LAMA3: variants seen among roughly 807,000 people sequenced by gnomAD.
LAMA3 encodes laminin subunit alpha 3, also known as laminin subunit alpha-3.
A neutral mutation model predicts 402.0 loss-of-function variants in LAMA3; 281 were observed. The ratio of observed to expected loss-of-function variants is 0.70; its 90% CI spans 0.63 to 0.77. The LOEUF (loss-of-function observed/expected upper bound fraction) is 0.77. Among genes scored for constraint, LAMA3 ranks in the 30% least tolerant of loss-of-function variants. LAMA3 has a pLI of 0.00. For synonymous variants in LAMA3, 1,431 were observed against 1,558.4 expected (o/e 0.92, Z 1.93); for missense variants, 3,840 against 4,215.5 (o/e 0.91, Z 2.47).
At chr18:23,692,471 C>T (rs1347372338) in intron 1 of LAMA3, among the ~76,000 whole-genome samples, 2 of 152,262 alleles carry the variant, frequency 1.3e-5, no homozygotes, top group African/African-American at 4.8e-5. Context: ...GGGGTTTCAC[C>T]ATGTCGGCCA....
chr18:23,711,054 G>A (rs1213393176), intron 1 of LAMA3, among the ~76,000 whole-genome samples: 1 of 152,124 alleles, frequency 6.6e-6, no homozygotes, highest in Non-Finnish European at 1.5e-5. Flanking sequence ...GGCATTACTG[G>A]TTTGACAAGT....
At chr18:23,690,171 C>T (rs1279151280) in intron 1 of LAMA3, among the ~76,000 whole-genome samples, 194 bp downstream of exon 1, 1 of 152,224 alleles carries the variant, frequency 6.6e-6, no homozygotes, top group Non-Finnish European at 1.5e-5. Flanking sequence ...CCGGCACCAC[C>T]GGCCCGAGGC....
At chr18:23,701,609 C>A in intron 1 of LAMA3, among the ~76,000 whole-genome samples, 1 of 152,150 alleles carries the variant, frequency 6.6e-6, no homozygotes, top group Non-Finnish European at 1.5e-5. Context: ...AGATACCAAT[C>A]TAGGTTTATA....
chr18:23,837,125 A>G, intron 25 of LAMA3, 36 bp downstream of exon 25: 3 of 1,389,048 alleles, frequency 2.2e-6, no homozygotes, highest in South Asian at 1.2e-5. Context: ...TTTTAGAAGC[A>G]TTTTGCTGAT....
chr18:23,947,325 G>C (rs2082742950), intron 70 of LAMA3, among the ~76,000 whole-genome samples: 1 of 152,112 alleles, frequency 6.6e-6, no homozygotes, highest in Admixed American at 6.5e-5. Flanking sequence ...TAAGTAAGAT[G>C]AGCCTATCAA....
intron 38 of LAMA3, among the ~76,000 whole-genome samples, chr18:23,873,745 C>G (rs924937458): frequency 6.6e-6 from 1 of 152,134 alleles, no homozygotes; most frequent in Non-Finnish European, 1.5e-5. Flanking sequence ...AGAAATAGAT[C>G]CTATGGCTAC....
chr18:23,882,155 T>A, intron 40 of LAMA3, 110 bp downstream of exon 40: 1 of 732,554 alleles, frequency 1.4e-6, no homozygotes, highest in Non-Finnish European at 2.5e-6. Context: ...TACCAAAGGG[T>A]CTGGGATTTC....
intron 42 of LAMA3, among the ~76,000 whole-genome samples, chr18:23,890,944 A>G (rs2080639593): frequency 6.6e-6 from 1 of 152,268 alleles, no homozygotes; most frequent in South Asian, 2.1e-4. Flanking sequence ...ATCAGATGAC[A>G]CAAAGTTGGG....
At chr18:23,777,710 C>T in intron 11 of LAMA3, 91 bp downstream of exon 11, 1 of 974,690 alleles carries the variant, frequency 1.0e-6, no homozygotes, top group East Asian at 2.4e-5. Flanking sequence ...CATCCAAGGC[C>T]AAGTCTCCCT....
At position 23,839,102 on chromosome 18, in the gene LAMA3, GGTTAAGCCTA is replaced by G. The variant is rs988346797; in HGVS notation, c.3191+225_3191+234del. Among the ~76,000 whole-genome samples the G allele has an allele frequency of 2.6e-5, 4 of 152,198 alleles. No individual in the cohort carries two copies. Among genetic ancestry groups the G allele is most frequent in the African/African-American group, 9.7e-5 (4 of 41,446 alleles). Reference sequence around the variant, plus strand: ...CTGACCCAGGAACAACCAGGGAAATGGTTAAGCCTACCCCTGGAGGGCAGGAACGCTGAGT... The same window carrying G: ...CTGACCCAGGAACAACCAGGGAAATGCCCCTGGAGGGCAGGAACGCTGAGT... On this transcript the variant is annotated intron_variant, in intron 26 of 74. Transcript: ENST00000313654. This position sits in a 1 kb window ranked among gnomAD's most constrained non-coding sequence, Gnocchi z 4.5.
In LAMA3 at chr18:23,894,279, G is replaced by T; in HGVS notation, c.5411-19G>T. On this transcript the variant is annotated intron_variant, in intron 42 of 74. Coordinates refer to ENST00000313654, the MANE Select transcript of LAMA3 (RefSeq NM_198129.4). ...TAAGTTTAATAACTATGTCTTCTTT[G>T]GTTATTTTCTGATTTTAGACTGCAT... is the stretch of plus-strand genomic sequence containing the variant. The T allele has an allele frequency of 1.3e-6, 2 of 1,593,352 alleles. No individual in the cohort carries two copies. Among genetic ancestry groups the T allele is most frequent in the Non-Finnish European group, 1.7e-6 (2 of 1,161,086 alleles).
intron 23 of LAMA3, among the ~76,000 whole-genome samples, chr18:23,832,431 C>G (rs755868479): frequency 6.6e-6 from 1 of 152,070 alleles, no homozygotes; most frequent in Admixed American, 6.5e-5. Flanking sequence ...TGGTTCAGAG[C>G]CTTTCAGAAG....
chr18:23,842,017 A>G (rs1201370904), intron 27 of LAMA3, among the ~76,000 whole-genome samples: 1 of 152,030 alleles, frequency 6.6e-6, no homozygotes, highest in African/African-American at 2.4e-5. Context: ...AACATTACAC[A>G]TTTCTTCTGG....
At chr18:23,885,823 C>T (rs770030539) in intron 41 of LAMA3, among the ~76,000 whole-genome samples, 2 of 152,170 alleles carry the variant, frequency 1.3e-5, no homozygotes, top group African/African-American at 2.4e-5. Context: ...CCTGTGCACT[C>T]AAACGCTTTC....
At chr18:23,739,022 C>T (rs1228040058) in intron 2 of LAMA3, among the ~76,000 whole-genome samples, 3 of 152,172 alleles carry the variant, frequency 2.0e-5, no homozygotes, top group African/African-American at 7.2e-5. Flanking sequence ...ATACCTGCAC[C>T]ATGGCTTCCT....
At chr18:23,950,281 T>C (rs2145563686) in intron 72 of LAMA3, 122 bp downstream of exon 72, 2 of 1,070,496 alleles carry the variant, frequency 1.9e-6, no homozygotes, top group South Asian at 1.3e-5. Context: ...GAGCCTTGAC[T>C]TCAGTGCTAA....
At position 23,786,709 on chromosome 18, in the gene LAMA3, T is replaced by C. The variant is rs1189726480; in HGVS notation, c.1603+2552T>C. Among the ~76,000 whole-genome samples the C allele has an allele frequency of 2.0e-5, 3 of 152,254 alleles. No homozygotes were observed. The East Asian group carries it at 5.8e-4, about 29-fold the overall frequency. On this transcript the variant is annotated intron_variant, in intron 12 of 74. Transcript: ENST00000313654. ...TTAGCAGACTTTAAAGCAGCTATTA[T>C]AAATCTGTATAGAAGACTAAAGGAA...
intron 3 of LAMA3, among the ~76,000 whole-genome samples, chr18:23,748,420 C>CAA (rs749355061): frequency 1.2e-4 from 11 of 88,274 alleles, no homozygotes; most frequent in Admixed American, 6.4e-4. Flanking sequence ...GACTCTGTCT[C>CAA]AAAAAAAAAA....
chr18:23,953,500 C>G (rs1167527431), intron 74 of LAMA3, among the ~76,000 whole-genome samples: 2 of 151,922 alleles, frequency 1.3e-5, no homozygotes, highest in Non-Finnish European at 2.9e-5. Flanking sequence ...TGCCACCACG[C>G]CTGGATAATT....
Sources: allele counts gnomAD v4.1 joint callset (sites outside exome capture counted in the v4.1 genomes callset), GRCh38; gene constraint gnomAD v4.1.1; non-coding constraint Gnocchi (gnomAD v3.1); transcripts MANE v1.5; gene names NCBI Gene and HGNC (gene_info 2026-07-23, HGNC 2026-07-21).